The following NUP107 variants were observed in gnomAD, a reference collection of about 807,000 sequenced individuals.
NUP107 encodes nucleoporin 107.
In NUP107, 101 loss-of-function variants were observed where a neutral mutation model predicts 141.0. The observed-to-expected ratio is 0.72, with a 90% CI of 0.61 to 0.84. The LOEUF (loss-of-function observed/expected upper bound fraction) is 0.84. Among genes scored for constraint, NUP107 ranks in the 40% least tolerant of loss-of-function variants. The pLI is 0.00. For missense variants in NUP107, 941 were observed against 1,102.7 expected, an observed-to-expected ratio of 0.85 and a Z score of 2.08; for synonymous variants, 319 against 363.9, an observed-to-expected ratio of 0.88 and a Z score of 1.41.
At position 68,730,367 on chromosome 12, in the gene NUP107, C is replaced by T. The variant is rs971717881; in HGVS notation, c.1735-743C>T. On this transcript the variant is annotated intron_variant, in intron 20 of 27. Coordinates refer to ENST00000229179, the MANE Select transcript of NUP107 (RefSeq NM_020401.4). ...CCAAGTAGCTGAGATTACAGGCATG[C>T]GCCACCACGCCTGGCTAATTTTTGT... Among the ~76,000 whole-genome samples the T allele has an allele frequency of 2.0e-4, 30 of 151,544 alleles. 1 individual carries two copies. The highest frequency in any genetic ancestry group is 4.9e-4 in the African/African-American group (20 of 41,226).
intron 5 of NUP107, among the ~76,000 whole-genome samples, chr12:68,694,628 G>A (rs1456735515): frequency 6.6e-6 from 1 of 152,164 alleles, no homozygotes; most frequent in Non-Finnish European, 1.5e-5. Flanking sequence ...GAGGCTGGAC[G>A]CAGTGGCTGA....
chr12:68,713,050 C>G (rs1876937130), intron 10 of NUP107, among the ~76,000 whole-genome samples: 1 of 151,918 alleles, frequency 6.6e-6, no homozygotes, highest in Non-Finnish European at 1.5e-5. Context: ...ATTGGTTTGA[C>G]TTTATCAAAA....
chr12:68,705,999 G>A, intron 8 of NUP107: 3 of 891,976 alleles, frequency 3.4e-6, no homozygotes, highest in Non-Finnish European at 3.8e-6. Flanking sequence ...TGGAGACCAA[G>A]TGGAGGCCCC....
intron 18 of NUP107, 36 bp from the exon 19 acceptor site, chr12:68,726,463 T>C (rs1421206019): frequency 7.7e-7 from 1 of 1,303,604 alleles, no homozygotes; most frequent in Non-Finnish European, 1.1e-6. Context: ...TTTGATTTTA[T>C]TCCTATTGTT....
chr12:68,728,187 G>A (rs934277255), intron 20 of NUP107, among the ~76,000 whole-genome samples: 5 of 151,458 alleles, frequency 3.3e-5, no homozygotes, highest in Non-Finnish European at 5.9e-5. Flanking sequence ...TACTCGGGAG[G>A]CTGAGGCAGG....
intron 26 of NUP107, among the ~76,000 whole-genome samples, chr12:68,741,399 C>T (rs1217558481): frequency 1.3e-5 from 2 of 152,166 alleles, no homozygotes; most frequent in African/African-American, 4.8e-5. Flanking sequence ...GAAGTTGACC[C>T]TCCCTGTGTG....
rs1876087223 is a variant in NUP107 at position 68,696,857 on chromosome 12, C to G, written c.487C>G (p.Leu163Val). The change falls in exon 6 of 28, where the codon CTG (leucine) becomes GTG (valine). Residue 163 changes from leucine to valine, a missense_variant. Physicochemically the swap from Leu to Val is conservative, Grantham distance 32. Transcript: ENST00000229179. ...SMFSDFLQSFLKHSSSTVFDL... is the reference protein window; with the variant it reads ...SMFSDFLQSFVKHSSSTVFDL... ...GTTTTCTGATTTCCTGCAGTCTTTT[C>G]TGAAGCACTCTTCGAGTACAGTTTT... The G allele has an allele frequency of 1.3e-6, 2 of 1,595,240 alleles. No homozygotes were observed. The highest frequency in any genetic ancestry group is 3.4e-5 in the Admixed American group (2 of 58,550).
chr12:68,729,762 A>G (rs577279241), intron 20 of NUP107, among the ~76,000 whole-genome samples: 1 of 149,262 alleles, frequency 6.7e-6, no homozygotes, highest in African/African-American at 2.5e-5. Flanking sequence ...TAATTTACTC[A>G]GTATTTCTAG....
chr12:68,726,553 G>A lies in NUP107; in HGVS notation c.1631G>A (p.Gly544Glu). 2 of 1,614,008 alleles carry A rather than the reference G, an allele frequency of 1.2e-6. No individual in the cohort carries two copies. Among genetic ancestry groups the A allele is most frequent in the African/African-American group, 1.3e-5 (1 of 75,018 alleles). ...TCCAAAAGCAGAAACAATCTACCTG[G>A]ACACCTGCTTCGCTTTATGACTCAC... Reference protein sequence around the residue: ...WLSKSRNNLPGHLLRFMTHLI... With the variant: ...WLSKSRNNLPEHLLRFMTHLI... Residue 544 changes from glycine (G) to glutamate (E), a missense_variant, in exon 19 of 28, where the codon GGA becomes GAA. Transcript: ENST00000229179.
chr12:68,725,805 T>C lies in NUP107; in HGVS notation c.1576+9T>C, dbSNP rs747470154. On this transcript the variant is annotated intron_variant, in intron 18 of 27. Coordinates refer to ENST00000229179, the MANE Select transcript of NUP107 (RefSeq NM_020401.4). The stretch of plus-strand genomic sequence containing the variant: ...CCTGGGAGACATTGATGGTAAGATA[T>C]GGTTTTATTTTACTTTGTGTTTTTT... 5 of 1,355,354 alleles carry C rather than the reference T, an allele frequency of 3.7e-6. No homozygotes were observed. The African/African-American group carries it at 5.9e-5, about 16-fold the overall frequency. The allele number at this position is 1,355,354 out of a possible 1,614,324, so 84.0% of individuals were successfully genotyped here. A position where few individuals can be genotyped will look rare whatever the true frequency, so the allele number is the denominator to read the frequency against.
intron 5 of NUP107, among the ~76,000 whole-genome samples, chr12:68,692,440 A>G (rs1875848774): frequency 6.6e-6 from 1 of 151,986 alleles, no homozygotes; most frequent in Admixed American, 6.6e-5. Flanking sequence ...TTAGTTGGGT[A>G]TGGTGGTGCA....
chr12:68,721,215 G>T (rs761886065), intron 15 of NUP107, 38 bp downstream of exon 15: 6 of 1,367,110 alleles, frequency 4.4e-6, no homozygotes, highest in Non-Finnish European at 6.2e-6. Flanking sequence ...TTTTTCTGTG[G>T]AGTAAAATTA....
chr12:68,713,851 A>ATTT (rs762217356), intron 11 of NUP107, 43 bp downstream of exon 11: 2 of 1,407,228 alleles, frequency 1.4e-6, no homozygotes, highest in South Asian at 2.6e-5. Context: ...AAGTTAACTG[A>ATTT]TTTTTTTTTT....
At position 68,745,757 on chromosome 12, in the gene NUP107, G is replaced by A. The variant is rs532759556; in HGVS notation, c.*3295G>A. The A allele has an allele frequency of 6.6e-6, 1 of 152,270 alleles. No homozygotes were observed. Among genetic ancestry groups the A allele is most frequent in the Non-Finnish European group, 1.5e-5 (1 of 68,082 alleles). The allele number at this position is 152,270 out of a possible 1,614,324, so 9.4% of individuals were successfully genotyped here. A position where few individuals can be genotyped will look rare whatever the true frequency, so the allele number is the denominator to read the frequency against. On this transcript the variant is annotated 3_prime_UTR_variant, in exon 28 of 28. Coordinates refer to ENST00000229179, the MANE Select transcript of NUP107 (RefSeq NM_020401.4). ...GTAGTTATACCCGATGATGCTGTCT[G>A]TTGGAAAGTAAATTTTGAATGTCTT...
At position 68,689,523 on chromosome 12, in the gene NUP107, C is replaced by T. The variant is rs374640564; in HGVS notation, c.101-10C>T. On this transcript the variant is annotated splice_polypyrimidine_tract_variant and intron_variant, in intron 2 of 27. Transcript: ENST00000229179. ...TCTACATGGAAAACTTTTCTTAACT[C>T]GTTGTACAGTTCAGGCATCTCAAGA... The T allele has an allele frequency of 5.6e-5, 87 of 1,552,748 alleles. No individual in the cohort carries two copies. The highest frequency in any genetic ancestry group is 8.3e-5 in the African/African-American group (6 of 72,532).
chr12:68,727,377 G>T lies in NUP107; in HGVS notation c.1722G>T (p.Lys574Asn). ...TKEEVSIEVLKTYIQLLIREK... is the reference protein window; with the variant it reads ...TKEEVSIEVLNTYIQLLIREK... Reference sequence around the variant, plus strand: ...AGGAAGTTTCTATTGAAGTTTTAAAGACATACATACAGGTAAACTTTGAGA... The same window carrying T: ...AGGAAGTTTCTATTGAAGTTTTAAATACATACATACAGGTAAACTTTGAGA... Residue 574 changes from lysine to asparagine, a missense_variant, in exon 20 of 28, where the codon AAG (lysine) becomes AAT (asparagine). Lys to Asn is a moderately conservative substitution (Grantham distance 94, BLOSUM62 0). Coordinates refer to ENST00000229179, the MANE Select transcript of NUP107 (RefSeq NM_020401.4). 6.6e-7 allele frequency: 1 copy of T among 1,507,950 alleles called. No individual in the cohort carries two copies. Among genetic ancestry groups the T allele is most frequent in the South Asian group, 1.2e-5 (1 of 82,990 alleles). The allele number at this position is 1,507,950 out of a possible 1,614,324, so 93.4% of individuals were successfully genotyped here.
chr12:68,734,478 T>C (rs775946336), intron 24 of NUP107, among the ~76,000 whole-genome samples: 7 of 152,144 alleles, frequency 4.6e-5, no homozygotes, highest in Non-Finnish European at 7.3e-5. Flanking sequence ...ATCAGGGTGC[T>C]CAGATTGGAG....
At chr12:68,726,793 G>A (rs1877586509) in intron 19 of NUP107, among the ~76,000 whole-genome samples, 176 bp downstream of exon 19, 1 of 152,002 alleles carries the variant, frequency 6.6e-6, no homozygotes, top group African/African-American at 2.4e-5. Context: ...GGCCCTTTAG[G>A]GTTCTAGTCT....
At chr12:68,713,618 G>A (rs1876971664) in intron 10 of NUP107, 112 bp from the exon 11 acceptor site, 1 of 768,700 alleles carries the variant, frequency 1.3e-6, no homozygotes, top group South Asian at 1.6e-5. Context: ...ATTTTTGCAT[G>A]TTTTTACTGG....
Sources: gnomAD v4.1 joint callset for allele counts (sites outside exome capture counted in the v4.1 genomes callset) on GRCh38, gnomAD v4.1.1 for gene constraint, MANE v1.5 for transcripts, NCBI Gene and HGNC (gene_info 2026-07-23, HGNC 2026-07-21) for gene names.